Variants in RIGI observed in about 807,000 individuals in gnomAD.
RIGI encodes the protein RNA sensor RIG-I.
the RIGI span, among the ~76,000 whole-genome samples, chr9:32,521,131 C>A: frequency 1.8e-4 from 5 of 28,368 alleles, no homozygotes; most frequent in African/African-American, 5.3e-4. Flanking sequence ...CAGAGCCAGA[C>A]ACCATCTCAA....
the RIGI span, among the ~76,000 whole-genome samples, chr9:32,508,821 T>C: frequency 2.0e-5 from 3 of 152,038 alleles, no homozygotes; most frequent in South Asian, 6.2e-4. Context: ...ATCCCACCCC[T>C]ACAGAGCCCA....
At chr9:32,524,927 A>G in the RIGI span, among the ~76,000 whole-genome samples, 1 of 141,406 alleles carries the variant, frequency 7.1e-6, no homozygotes, top group Non-Finnish European at 1.6e-5. Context: ...GCTGGAGGCT[A>G]TATGATCAAA....
chr9:32,472,994 G>C, the RIGI span: 3 of 1,608,546 alleles, frequency 1.9e-6, no homozygotes, highest in South Asian at 3.3e-5. Flanking sequence ...GATTTGTTTT[G>C]CCACGTCCAG....
the RIGI span, among the ~76,000 whole-genome samples, chr9:32,491,822 A>G: frequency 1.3e-5 from 2 of 152,190 alleles, no homozygotes; most frequent in Non-Finnish European, 1.5e-5. Flanking sequence ...AGTTTCTGAA[A>G]CAACTTATGA....
chr9:32,493,749 A>G, the RIGI span: 9 of 1,505,408 alleles, frequency 6.0e-6, no homozygotes, highest in Admixed American at 8.1e-5. Flanking sequence ...TTAGTATTTT[A>G]TATTAACTTA....
At chr9:32,477,179 TA>T in the RIGI span, 3 of 1,602,184 alleles carry the variant, frequency 1.9e-6, no homozygotes, top group Non-Finnish European at 2.6e-6. Flanking sequence ...TCTAAAAATT[TA>T]GAACACACTG....
At chr9:32,524,600 T>TTTTTG in the RIGI span, among the ~76,000 whole-genome samples, 103 of 86,836 alleles carry the variant, frequency 1.2e-3, 1 homozygote, top group African/African-American at 3.7e-3. Flanking sequence ...TTTTCGGTTT[T>TTTTTG]TTTTTTTTTT....
At chr9:32,459,446 ATCAGGTACAGGTTTTGGT>A in the RIGI span, 3 of 1,613,784 alleles carry the variant, frequency 1.9e-6, no homozygotes, top group Non-Finnish European at 2.5e-6. Context: ...TATTTTCCTT[ATCAGGTACAGGTTTTGGT>A]TTTTCTTGAC....
At chr9:32,489,374 C>T in the RIGI span, 1 of 1,612,554 alleles carries the variant, frequency 6.2e-7, no homozygotes, top group Non-Finnish European at 8.5e-7. Context: ...GTGTTTTTTC[C>T]TTTCATAGCA....
the RIGI span, among the ~76,000 whole-genome samples, chr9:32,483,979 T>C: frequency 6.6e-6 from 1 of 152,152 alleles, no homozygotes; most frequent in African/African-American, 2.4e-5. Context: ...AGGGGCTGTA[T>C]CTTAGGGTTC....
the RIGI span, chr9:32,526,195 T>C: frequency 4.4e-6 from 7 of 1,579,538 alleles, no homozygotes; most frequent in Non-Finnish European, 6.1e-6. Flanking sequence ...CTAGCTACGT[T>C]CCCCGCAGGC....
chr9:32,489,998 T>G, the RIGI span, among the ~76,000 whole-genome samples: 1 of 152,248 alleles, frequency 6.6e-6, no homozygotes, highest in South Asian at 2.1e-4. Context: ...GCAAAGACTT[T>G]GGAAATTATC....
At chr9:32,491,161 G>T in the RIGI span, 2 of 903,574 alleles carry the variant, frequency 2.2e-6, no homozygotes, top group Non-Finnish European at 3.4e-6. Flanking sequence ...AGTATCTATT[G>T]TAACATAAAT....
chr9:32,457,571 T>TA, the RIGI span, among the ~76,000 whole-genome samples: 1 of 143,822 alleles, frequency 7.0e-6, no homozygotes, highest in East Asian at 2.0e-4. Flanking sequence ...AAAAAAAAAA[T>TA]AGATTCACCC....
the RIGI span, among the ~76,000 whole-genome samples, chr9:32,483,556 C>T: frequency 9.2e-5 from 14 of 152,152 alleles, no homozygotes; most frequent in African/African-American, 2.9e-4. Context: ...CAGTGTGCTG[C>T]TGGATAATAT....
At chr9:32,481,429 G>A in the RIGI span, 1 of 1,611,138 alleles carries the variant, frequency 6.2e-7, no homozygotes, top group Non-Finnish European at 8.5e-7. Flanking sequence ...CATGCTTTCT[G>A]AACTGTAACA....
At chr9:32,489,994 A>G in the RIGI span, among the ~76,000 whole-genome samples, 1 of 152,226 alleles carries the variant, frequency 6.6e-6, no homozygotes, top group Non-Finnish European at 1.5e-5. Context: ...GCTAGCAAAG[A>G]CTTTGGAAAT....
chr9:32,500,437 A>C, the RIGI span, among the ~76,000 whole-genome samples: 5 of 152,198 alleles, frequency 3.3e-5, no homozygotes, highest in African/African-American at 1.2e-4. Context: ...GACCTTATAC[A>C]TCTTTTGTTA....
the RIGI span, among the ~76,000 whole-genome samples, chr9:32,520,870 G>C: frequency 6.6e-6 from 1 of 151,044 alleles, no homozygotes. Context: ...CTCAGGCCGG[G>C]TGTGGTGGCT....
Sources: allele counts gnomAD v4.1 joint callset (sites outside exome capture counted in the v4.1 genomes callset), GRCh38; gene constraint gnomAD v4.1.1; transcripts MANE v1.5; gene names NCBI Gene and HGNC (gene_info 2026-07-23, HGNC 2026-07-21).